LRRC7: variants seen among roughly 807,000 people sequenced by gnomAD.
The protein encoded by LRRC7 is leucine rich repeat containing 7.
A neutral mutation model predicts 175.7 loss-of-function variants in LRRC7; 23 were observed. The observed-to-expected ratio is 0.13, with a 90% CI of 0.09 to 0.19. The LOEUF is 0.19. Ranked by LOEUF, LRRC7 falls within the 10% of genes least tolerant of loss-of-function variation. The pLI, the probability that LRRC7 is intolerant of heterozygous loss-of-function variation, is 1.00. For missense variants in LRRC7, 1,354 were observed against 1,904.7 expected, an observed-to-expected ratio of 0.71 and a Z score of 5.38; for synonymous variants, 685 against 680.9, an observed-to-expected ratio of 1.01 and a Z score of -0.09.
rs138874842 is a variant in LRRC7 at position 69,717,994 on chromosome 1, G to T, written c.100+39516G>T. On this transcript the variant is annotated intron_variant, in intron 2 of 26. Transcript: ENST00000651989. Reference sequence around the variant, plus strand: ...GAAAGAGAAAGAAAGAGGAGGGAGAGAAAGAAAGAAAAGAGAAGCAGAGAC... The same window carrying T: ...GAAAGAGAAAGAAAGAGGAGGGAGATAAAGAAAGAAAAGAGAAGCAGAGAC... 6.4e-5 allele frequency among the ~76,000 whole-genome samples: 9 copies of T among 141,150 alleles called. No homozygotes were observed. The Admixed American group carries it at 6.6e-4, about 10-fold the overall frequency. 92.6% of individuals were successfully genotyped at this position (141,150 alleles called of 152,430 possible).
chr1:69,854,664 A>G (rs138118076), intron 7 of LRRC7, among the ~76,000 whole-genome samples: 3 of 152,334 alleles, frequency 2.0e-5, no homozygotes, highest in African/African-American at 7.2e-5. Flanking sequence ...CTTGAAAATT[A>G]TATAGTAAAA....
chr1:69,926,709 G>T (rs1053389704), intron 7 of LRRC7, among the ~76,000 whole-genome samples: 3 of 152,002 alleles, frequency 2.0e-5, no homozygotes, highest in Admixed American at 1.3e-4. Flanking sequence ...TTCTCTGCAC[G>T]TGAGATGGGT....
chr1:69,924,789 A>G (rs910265449), intron 7 of LRRC7, among the ~76,000 whole-genome samples: 6 of 152,104 alleles, frequency 3.9e-5, no homozygotes, highest in Non-Finnish European at 7.3e-5. Context: ...GATACCCTTT[A>G]TTTCTTTCTC....
chr1:69,749,258 A>C (rs1669568300), intron 2 of LRRC7, among the ~76,000 whole-genome samples: 1 of 152,210 alleles, frequency 6.6e-6, no homozygotes. Context: ...TGTATATGCC[A>C]CTACTTAGTA....
At chr1:69,787,898 A>T (rs1674670649) in intron 3 of LRRC7, among the ~76,000 whole-genome samples, 1 of 151,846 alleles carries the variant, frequency 6.6e-6, no homozygotes, top group South Asian at 2.1e-4. Flanking sequence ...GCCAGACTAT[A>T]TCACTCCCTT....
chr1:70,042,150 C>A (rs903477632), intron 21 of LRRC7, among the ~76,000 whole-genome samples: 1 of 152,278 alleles, frequency 6.6e-6, no homozygotes, highest in Non-Finnish European at 1.5e-5. Context: ...CTTTTGTTTT[C>A]GCCAAGTCAC....
chr1:69,595,206 G>T (rs1452051134), intron 1 of LRRC7, among the ~76,000 whole-genome samples: 2 of 152,196 alleles, frequency 1.3e-5, no homozygotes, highest in East Asian at 1.9e-4. Context: ...TGGACCATGA[G>T]GTCAAGAGAT....
At chr1:70,086,780 C>G (rs1470535399) in intron 24 of LRRC7, among the ~76,000 whole-genome samples, 1 of 152,066 alleles carries the variant, frequency 6.6e-6, no homozygotes, top group East Asian at 1.9e-4. Context: ...AATAATGGTT[C>G]TCATTAAATA....
At chr1:69,886,196 T>G (rs1401571989) in intron 7 of LRRC7, among the ~76,000 whole-genome samples, 2 of 152,096 alleles carry the variant, frequency 1.3e-5, no homozygotes, top group African/African-American at 4.8e-5. Flanking sequence ...CTCGTTTATC[T>G]GTCTAATGTT....
At chr1:69,794,037 T>C (rs1675428970) in intron 4 of LRRC7, among the ~76,000 whole-genome samples, 1 of 152,032 alleles carries the variant, frequency 6.6e-6, no homozygotes, top group African/African-American at 2.4e-5. Flanking sequence ...GTTACAATGA[T>C]AAATTCTTAG....
intron 4 of LRRC7, among the ~76,000 whole-genome samples, chr1:69,812,749 C>A (rs752837221): frequency 6.6e-6 from 1 of 151,968 alleles, no homozygotes; most frequent in Non-Finnish European, 1.5e-5. Context: ...ATTCAATATG[C>A]ATTATTCCTA....
chr1:69,919,848 G>A, intron 7 of LRRC7: 2 of 693,636 alleles, frequency 2.9e-6, no homozygotes, highest in Non-Finnish European at 2.5e-6. Context: ...TGAGGATTGG[G>A]GGCCCAGGCC....
chr1:70,030,363 T>G (rs1312918489), intron 18 of LRRC7, among the ~76,000 whole-genome samples: 1 of 152,182 alleles, frequency 6.6e-6, no homozygotes, highest in African/African-American at 2.4e-5. Flanking sequence ...TGAACAGAAA[T>G]TTCACTGGTA....
In LRRC7 at chr1:69,781,877, A is replaced by AAGG. The variant is rs1557720845; in HGVS notation, c.304-10165_304-10164insGGA. Among the ~76,000 whole-genome samples the AAGG allele has an allele frequency of 9.6e-4, 122 of 126,838 alleles. 3 individuals carry two copies. The highest frequency in any genetic ancestry group is 5.4e-3 in the Admixed American group (69 of 12,738). 83.2% of individuals were successfully genotyped at this position (126,838 alleles called of 152,430 possible). A position where few individuals can be genotyped will look rare whatever the true frequency, so the allele number is the denominator to read the frequency against. ...AAAGAAAGAGAAGGAAGGAAGGAAG[A>AAGG]AAGAAAAGGAAGGAAGGAAGGGAAA... is the stretch of plus-strand genomic sequence containing the variant. On this transcript the variant is annotated intron_variant, in intron 3 of 26. Coordinates refer to ENST00000651989, the MANE Select transcript of LRRC7 (RefSeq NM_001370785.2).
In LRRC7 at chr1:69,834,876, A is replaced by G; in HGVS notation, c.590+7A>G. Reference sequence around the variant, plus strand: ...TTCCAGCCAATTTTGGAAGGTAAGAATAAGAAATTTAAATTATGCAATTAT... The same window carrying G: ...TTCCAGCCAATTTTGGAAGGTAAGAGTAAGAAATTTAAATTATGCAATTAT... On this transcript the variant is annotated splice_region_variant and intron_variant, in intron 6 of 26. Transcript: ENST00000651989. 6.2e-7 allele frequency: 1 copy of G among 1,606,472 alleles called. No individual in the cohort carries two copies. The highest frequency in any genetic ancestry group is 8.5e-7 in the Non-Finnish European group (1 of 1,173,370).
intron 8 of LRRC7, among the ~76,000 whole-genome samples, chr1:69,974,789 A>G (rs1047444101): frequency 6.6e-6 from 1 of 152,216 alleles, no homozygotes; most frequent in African/African-American, 2.4e-5. Flanking sequence ...ACATCCAGTA[A>G]TAAAAATATC....
intron 4 of LRRC7, among the ~76,000 whole-genome samples, chr1:69,796,291 CAT>C (rs1446408645): frequency 1.3e-5 from 2 of 151,862 alleles, no homozygotes; most frequent in Non-Finnish European, 2.9e-5. Flanking sequence ...CTACAAAGGA[CAT>C]GACTCTAACC....
chr1:69,782,034 C>T (rs746790907), intron 3 of LRRC7, among the ~76,000 whole-genome samples: 2 of 152,034 alleles, frequency 1.3e-5, no homozygotes, highest in African/African-American at 2.4e-5. Context: ...CTGGCACTTG[C>T]TAGCAATATG....
At chr1:69,729,673 G>C (rs1173010013) in intron 2 of LRRC7, among the ~76,000 whole-genome samples, 1 of 152,154 alleles carries the variant, frequency 6.6e-6, no homozygotes, top group Non-Finnish European at 1.5e-5. Context: ...TGCTTTTATG[G>C]GCTGGCATTC....
Sources: gnomAD v4.1 joint callset for allele counts (sites outside exome capture counted in the v4.1 genomes callset) on GRCh38, gnomAD v4.1.1 for gene constraint, MANE v1.5 for transcripts, NCBI Gene and HGNC (gene_info 2026-07-23, HGNC 2026-07-21) for gene names.